Variants in KIF1A observed in about 807,000 individuals in gnomAD.
KIF1A encodes the protein kinesin-like protein KIF1A.
A neutral mutation model predicts 227.3 loss-of-function variants in KIF1A; 46 were observed. The observed-to-expected ratio is 0.20, with a 90% CI of 0.16 to 0.26. The LOEUF is 0.26. Among genes scored for constraint, KIF1A ranks in the 10% least tolerant of loss-of-function variants. The pLI, the probability that KIF1A is intolerant of heterozygous loss-of-function variation, is 1.00. For synonymous variants in KIF1A, 1,022 were observed against 1,012.8 expected, an observed-to-expected ratio of 1.01 and a Z score of -0.17; for missense variants, 1,683 against 2,485.9, an observed-to-expected ratio of 0.68 and a Z score of 6.87.
At chr2:240,762,848 C>T (rs2050696080) in intron 22 of KIF1A, 36 bp from the exon 23 acceptor site, 4 of 1,543,684 alleles carry the variant, frequency 2.6e-6, no homozygotes, top group Non-Finnish European at 3.5e-6. Context: ...CACTACGGCC[C>T]TACCTGCCTG....
chr2:240,788,338 A>T lies in KIF1A; in HGVS notation c.184-108T>A, dbSNP rs1323468301. ...GCCCAGGGCCTCAGGGTGCCAGGGC[A>T]GCACAGTGGGGAGGGATGCCTGCCC... On this transcript the variant is annotated intron_variant, in intron 3 of 48. Coordinates refer to ENST00000498729, the MANE Select transcript of KIF1A (RefSeq NM_001244008.2). This position sits in a 1 kb window ranked among gnomAD's most constrained non-coding sequence, Gnocchi z 6.6. 1.3e-5 allele frequency: 13 copies of T among 1,013,500 alleles called. No individual in the cohort carries two copies. Among genetic ancestry groups the T allele is most frequent in the Non-Finnish European group, 1.8e-5 (12 of 665,524 alleles). 62.8% of individuals were successfully genotyped at this position (1,013,500 alleles called of 1,614,324 possible). A position where few individuals can be genotyped will look rare whatever the true frequency, so the allele number is the denominator to read the frequency against.
In KIF1A at chr2:240,739,327, A is replaced by G. The variant is rs2047697104; in HGVS notation, c.3901+731T>C. On this transcript the variant is annotated intron_variant, in intron 37 of 48. Transcript: ENST00000498729. This position sits in a 1 kb window ranked among gnomAD's most constrained non-coding sequence, Gnocchi z 5.6. Reference sequence around the variant, plus strand: ...CAAATTCTTTCCGCTTTAGCAAAGGAAACATTTGGCGGACCCGAATTCGAA... The same window carrying G: ...CAAATTCTTTCCGCTTTAGCAAAGGGAACATTTGGCGGACCCGAATTCGAA... Among the ~76,000 whole-genome samples, 1 of 152,262 alleles carries G rather than the reference A, an allele frequency of 6.6e-6. No individual in the cohort carries two copies. Among genetic ancestry groups the G allele is most frequent in the South Asian group, 2.1e-4 (1 of 4,834 alleles).
chr2:240,765,826 A>G (rs368418112), intron 19 of KIF1A, 33 bp from the exon 20 acceptor site: 163 of 1,540,214 alleles, frequency 1.1e-4, no homozygotes, highest in Non-Finnish European at 1.3e-4. Flanking sequence ...AGAGAGGAGG[A>G]CTATGAGGGG....
In KIF1A at chr2:240,740,437, G is replaced by A. The variant is rs2047825602; in HGVS notation, c.3750-73C>T. 2 of 1,297,190 alleles carry A rather than the reference G, an allele frequency of 1.5e-6. No homozygotes were observed. Among genetic ancestry groups the A allele is most frequent in the South Asian group, 2.5e-5 (2 of 81,316 alleles). 80.4% of individuals were successfully genotyped at this position (1,297,190 alleles called of 1,614,324 possible). A position where few individuals can be genotyped will look rare whatever the true frequency, so the allele number is the denominator to read the frequency against. On this transcript the variant is annotated intron_variant, in intron 35 of 48. Transcript: ENST00000498729. This position sits in a 1 kb window ranked among gnomAD's most constrained non-coding sequence, Gnocchi z 6.1. ...CCCTCCCCGCAGCACAGGACACAGTGGACGGGAGCAAAAACAGGGAAAAGT... is the reference window on the plus strand; with the variant it reads ...CCCTCCCCGCAGCACAGGACACAGTAGACGGGAGCAAAAACAGGGAAAAGT...
chr2:240,747,364 CCT>C lies in KIF1A; in HGVS notation c.2978-45_2978-44del, dbSNP rs774453451. Reference sequence around the variant, plus strand: ...CAAATGGTTGGAGCCCAGCTTGTCCCCTGAGGTGGGTGTGGGCAGAGCCAGGC... The same window carrying C: ...CAAATGGTTGGAGCCCAGCTTGTCCCGAGGTGGGTGTGGGCAGAGCCAGGC... On this transcript the variant is annotated intron_variant, in intron 28 of 48. Coordinates refer to ENST00000498729, the MANE Select transcript of KIF1A (RefSeq NM_001244008.2). 7.8e-6 allele frequency: 12 copies of C among 1,539,298 alleles called. No homozygotes were observed. The East Asian group carries it at 2.3e-4, about 29-fold the overall frequency.
intron 38 of KIF1A, among the ~76,000 whole-genome samples, chr2:240,733,193 G>A (rs1040074380): frequency 2.0e-5 from 3 of 151,960 alleles, no homozygotes; most frequent in African/African-American, 2.4e-5. Flanking sequence ...TGAATGTTGC[G>A]GCCCCACCAA....
intron 38 of KIF1A, among the ~76,000 whole-genome samples, chr2:240,730,576 C>T (rs376150052): frequency 4.6e-5 from 7 of 152,322 alleles, no homozygotes; most frequent in Admixed American, 2.0e-4. Context: ...TCCAGGGAGG[C>T]GATCTAACAG....
intron 1 of KIF1A, among the ~76,000 whole-genome samples, chr2:240,807,112 GTGTGTGTGTGTGTGTGTGTA>G (rs1234156420): frequency 5.8e-5 from 8 of 138,882 alleles, no homozygotes; most frequent in Non-Finnish European, 3.1e-5. Flanking sequence ...GTGTGTGTGT[GTGTGTGTGTGTGTGTGTGTA>G]TATATATATA....
At chr2:240,813,301 C>T (rs1416119157) in intron 1 of KIF1A, among the ~76,000 whole-genome samples, 2 of 152,372 alleles carry the variant, frequency 1.3e-5, no homozygotes, top group East Asian at 1.9e-4. Flanking sequence ...GGCCAGAGCC[C>T]ACCACACAGC....
chr2:240,745,847 C>T lies in KIF1A; in HGVS notation c.3265G>A (p.Asp1089Asn), dbSNP rs747350182. 1 of 1,612,652 alleles carries T rather than the reference C, an allele frequency of 6.2e-7. No homozygotes were observed. Among genetic ancestry groups the T allele is most frequent in the South Asian group, 1.1e-5 (1 of 90,804 alleles). The change falls in exon 31 of 49, where the codon GAT (aspartate) becomes AAT (asparagine). Residue 1089 changes from aspartate (D) to asparagine (N), a missense_variant. Transcript: ENST00000498729. The part of the protein sequence containing the change: ...SEKAALDGPL[D>N]AALDHLRLGN... ...AGGCGGAGGTGGTCCAGGGCAGCAT[C>T]CAGGGGCCCATCCAGGGCGGCTTTC...
chr2:240,733,036 A>C, intron 38 of KIF1A, among the ~76,000 whole-genome samples: 1 of 57,118 alleles, frequency 1.8e-5, no homozygotes, highest in African/African-American at 7.2e-5. Context: ...GATGAGGGGG[A>C]ATGAGGGGGG....
At chr2:240,727,532 G>A (rs2046166870) in intron 38 of KIF1A, among the ~76,000 whole-genome samples, 1 of 152,254 alleles carries the variant, frequency 6.6e-6, no homozygotes, top group South Asian at 2.1e-4. Flanking sequence ...GGTCCATTGG[G>A]AAGAGGAAGG....
Position 240,781,411 on chromosome 2 carries a change from C to CCA in KIF1A, c.882+1177_882+1178dup, listed in dbSNP as rs1396045736. Among the ~76,000 whole-genome samples, 37 of 38,242 alleles carry CCA rather than the reference C, an allele frequency of 9.7e-4. 2 individuals are homozygous for CCA. The highest frequency in any genetic ancestry group is 1.2e-3 in the Non-Finnish European group (25 of 21,348). The allele number at this position is 38,242 out of a possible 152,430, so 25.1% of individuals were successfully genotyped here. On this transcript the variant is annotated intron_variant, in intron 10 of 48. Transcript: ENST00000498729. ...CACAGCTCCACACACACACACAGCT[C>CCA]CACACACACACACACAGCTCCACAC...
chr2:240,742,814 G>A lies in KIF1A; in HGVS notation c.3640+115C>T, dbSNP rs184834538. ...GGCTCAGGGTGGCGCCAGAGTGCCT[G>A]GGAGGGCACAGCCCAGTCACAGAGG... is the stretch of plus-strand genomic sequence containing the variant. On this transcript the variant is annotated intron_variant, in intron 34 of 48. Coordinates refer to ENST00000498729, the MANE Select transcript of KIF1A (RefSeq NM_001244008.2). 6.4e-4 allele frequency: 614 copies of A among 956,804 alleles called. No homozygotes were observed. In the African/African-American group the frequency reaches 9.1e-3, roughly 14 times the overall value. The allele number at this position is 956,804 out of a possible 1,614,324, so 59.3% of individuals were successfully genotyped here.
At chr2:240,815,104 C>A (rs1675363779) in intron 1 of KIF1A, among the ~76,000 whole-genome samples, 1 of 152,210 alleles carries the variant, frequency 6.6e-6, no homozygotes, top group Non-Finnish European at 1.5e-5. Flanking sequence ...CAAGGACCTG[C>A]ACCCATGGTG....
In KIF1A at chr2:240,789,099, A is replaced by G; in HGVS notation, c.183+137T>C. 5.8e-6 allele frequency: 4 copies of G among 684,858 alleles called. No homozygotes were observed. The South Asian group carries it at 7.1e-5, about 12-fold the overall frequency. 42.4% of individuals were successfully genotyped at this position (684,858 alleles called of 1,614,324 possible). On this transcript the variant is annotated intron_variant, in intron 3 of 48. Transcript: ENST00000498729. The surrounding 1 kb of genome is among the most constrained non-coding windows in gnomAD (Gnocchi z 4.8). ...CCTTCGCTGAGGACCGCTCAGGGTG[A>G]CCTTCCAGGGGAGCAGGGTGGGGTC...
chr2:240,749,244 G>T (rs535442238), intron 28 of KIF1A, among the ~76,000 whole-genome samples: 2 of 152,186 alleles, frequency 1.3e-5, no homozygotes, highest in African/African-American at 4.8e-5. Context: ...TAGCAGAGCC[G>T]GGAGAACCAG....
intron 2 of KIF1A, among the ~76,000 whole-genome samples, chr2:240,791,598 C>T (rs2055712846): frequency 6.6e-6 from 1 of 151,928 alleles, no homozygotes; most frequent in Non-Finnish European, 1.5e-5. Flanking sequence ...CACACCCCCA[C>T]TAGCCCTTGC....
rs1157681257 is a variant in KIF1A, at chr2:240,739,414, TC to T, written c.3901+643del. Among the ~76,000 whole-genome samples, 1 of 152,144 alleles carries T rather than the reference TC, an allele frequency of 6.6e-6. No homozygotes were observed. The highest frequency in any genetic ancestry group is 2.1e-4 in the South Asian group (1 of 4,816). ...GGTGATGGTTATGGGAGGAATTGTG[TC>T]CCCGAAAAATATACGTGGAAGTCCT... On this transcript the variant is annotated intron_variant, in intron 37 of 48. Coordinates refer to ENST00000498729, the MANE Select transcript of KIF1A (RefSeq NM_001244008.2). The surrounding 1 kb of genome is among the most constrained non-coding windows in gnomAD (Gnocchi z 5.6).
Sources: gnomAD v4.1 joint callset for allele counts (sites outside exome capture counted in the v4.1 genomes callset) on GRCh38, gnomAD v4.1.1 for gene constraint, Gnocchi (gnomAD v3.1) non-coding constraint, MANE v1.5 for transcripts, NCBI Gene and HGNC (gene_info 2026-07-23, HGNC 2026-07-21) for gene names.